NUP160: variants seen among roughly 807,000 people sequenced by gnomAD.
The protein encoded by NUP160 is nuclear pore complex protein Nup160.
In NUP160, 94 loss-of-function variants were observed where a neutral mutation model predicts 196.9. The ratio of observed to expected loss-of-function variants is 0.48; its 90% confidence interval spans 0.40 to 0.57. The LOEUF (loss-of-function observed/expected upper bound fraction) is 0.57, where lower values mean the gene tolerates loss of function less well. NUP160 is among the 20% of genes least tolerant of loss of function. NUP160 has a pLI of 0.00. For synonymous variants in NUP160, 605 were observed against 619.7 expected (o/e 0.98, Z 0.35); for missense variants, 1,638 against 1,748.3 (o/e 0.94, Z 1.13).
exon 33 of NUP160, chr11:47,785,013 T>C: frequency 6.2e-7 from 1 of 1,602,992 alleles, no homozygotes; most frequent in Non-Finnish European, 8.5e-7. Flanking sequence ...ATTCTGGACT[T>C]TGTACCTCTC....
At chr11:47,781,770 C>T (rs955400231) in intron 34 of NUP160, among the ~76,000 whole-genome samples, 6 of 152,150 alleles carry the variant, frequency 3.9e-5, no homozygotes, top group African/African-American at 1.4e-4. Context: ...TCCCGGCACA[C>T]ACACAATACC....
At chr11:47,813,736 G>A (rs936141376) in intron 13 of NUP160, among the ~76,000 whole-genome samples, 1 of 151,904 alleles carries the variant, frequency 6.6e-6, no homozygotes, top group Non-Finnish European at 1.5e-5. Context: ...TGGGGTGGGA[G>A]GATCACCTGA....
intron 7 of NUP160, among the ~76,000 whole-genome samples, chr11:47,828,922 T>TA (rs898349483): frequency 2.2e-4 from 34 of 151,452 alleles, no homozygotes; most frequent in East Asian, 1.2e-3. Flanking sequence ...CTCACACTAT[T>TA]AAAAAAAAAC....
intron 22 of NUP160, among the ~76,000 whole-genome samples, chr11:47,803,148 TAA>T (rs1186336165): frequency 1.4e-5 from 2 of 139,200 alleles, no homozygotes; most frequent in Non-Finnish European, 3.1e-5. Flanking sequence ...TACAAAATAA[TAA>T]TAATAATAAT....
At chr11:47,797,607 G>T (rs1168381985) in intron 27 of NUP160, among the ~76,000 whole-genome samples, 172 bp downstream of exon 27, 2 of 152,080 alleles carry the variant, frequency 1.3e-5, no homozygotes, top group Admixed American at 6.6e-5. Context: ...CCTTGAGAAA[G>T]TTCTAGAATG....
chr11:47,804,349 T>A, intron 21 of NUP160, 200 bp downstream of exon 21: 1 of 505,672 alleles, frequency 2.0e-6, no homozygotes, highest in Non-Finnish European at 3.5e-6. Context: ...CAACCCTATT[T>A]AGCTTCGTAG....
chr11:47,840,239 G>T (rs114164215), intron 3 of NUP160, 139 bp downstream of exon 3: 25 of 851,928 alleles, frequency 2.9e-5, no homozygotes, highest in Non-Finnish European at 4.7e-5. Context: ...CATTTTAAGC[G>T]GTAGCTATCA....
In NUP160 at chr11:47,837,635, T is replaced by C. The variant is rs758822221; in HGVS notation, c.749-12A>G. 1.2e-6 allele frequency: 2 copies of C among 1,609,392 alleles called. No homozygotes were observed. Among genetic ancestry groups the C allele is most frequent in the South Asian group, 2.2e-5 (2 of 90,974 alleles). On this transcript the variant is annotated splice_polypyrimidine_tract_variant and intron_variant, in intron 4 of 35. Transcript: ENST00000378460. Reference sequence around the variant, plus strand: ...GACTGACACCATACCTGCAATGATATCCAAGGCACCTCTTGAACACACTTA... The same window carrying C: ...GACTGACACCATACCTGCAATGATACCCAAGGCACCTCTTGAACACACTTA...
chr11:47,807,225 CAATTT>C (rs1272134802), intron 18 of NUP160, 85 bp from the exon 19 acceptor site: 1 of 793,618 alleles, frequency 1.3e-6, no homozygotes, highest in East Asian at 2.6e-5. Context: ...AGAACACTGT[CAATTT>C]AATTAATAAA....
At chr11:47,845,628 A>T (rs1852387174) in intron 2 of NUP160, among the ~76,000 whole-genome samples, 1 of 151,952 alleles carries the variant, frequency 6.6e-6, no homozygotes, top group Non-Finnish European at 1.5e-5. Context: ...AAGAGTAGGG[A>T]CTTTGTTTTG....
intron 7 of NUP160, among the ~76,000 whole-genome samples, chr11:47,824,612 A>AAAAT (rs1599336524): frequency 6.6e-6 from 1 of 152,060 alleles, no homozygotes; most frequent in East Asian, 1.9e-4. Context: ...TATCTCAAAA[A>AAAAT]AAAATAAAAT....
intron 2 of NUP160, among the ~76,000 whole-genome samples, chr11:47,842,299 G>A (rs141559941): frequency 0.014 from 2,166 of 152,244 alleles, 24 homozygotes; most frequent in Non-Finnish European, 0.023. Context: ...TCCCAAGGAT[G>A]TAAGTACCTT....
At chr11:47,799,063 C>T (rs1001969725) in intron 23 of NUP160, among the ~76,000 whole-genome samples, 4 of 151,534 alleles carry the variant, frequency 2.6e-5, no homozygotes, top group African/African-American at 9.7e-5. Context: ...TATAAAAACC[C>T]TAAAGATAAT....
chr11:47,781,217 C>T (rs934099333), intron 34 of NUP160, among the ~76,000 whole-genome samples: 6 of 151,472 alleles, frequency 4.0e-5, no homozygotes, highest in Non-Finnish European at 5.9e-5. Flanking sequence ...AGCGAGACTC[C>T]GTCTTGGAAA....
At chr11:47,796,479 G>T (rs553928873) in intron 27 of NUP160, 1 of 280,016 alleles carries the variant, frequency 3.6e-6, no homozygotes, top group Non-Finnish European at 6.7e-6. Flanking sequence ...AAACAAACAA[G>T]TAAGTAAATA....
intron 34 of NUP160, among the ~76,000 whole-genome samples, chr11:47,780,755 T>A (rs2097660267): frequency 6.6e-6 from 1 of 151,816 alleles, no homozygotes; most frequent in Non-Finnish European, 1.5e-5. Flanking sequence ...TTGGACAGGC[T>A]GGTCTCAAAC....
At chr11:47,796,257 G>C (rs563419912) in intron 27 of NUP160, 62 of 673,962 alleles carry the variant, frequency 9.2e-5, no homozygotes, top group South Asian at 5.8e-4. Context: ...GAGCACAGTA[G>C]GATCAATCAG....
intron 5 of NUP160, among the ~76,000 whole-genome samples, chr11:47,837,215 G>A (rs546095529): frequency 6.6e-6 from 1 of 152,266 alleles, no homozygotes; most frequent in East Asian, 1.9e-4. Context: ...ATGGAAGACT[G>A]TTTCCTTTTA....
chr11:47,838,134 A>G (rs1348895852), intron 4 of NUP160, among the ~76,000 whole-genome samples: 1 of 152,196 alleles, frequency 6.6e-6, no homozygotes, highest in Non-Finnish European at 1.5e-5. Context: ...GGGGCACTGC[A>G]ATTTTGAAAA....
Sources: gnomAD v4.1 joint callset for allele counts (sites outside exome capture counted in the v4.1 genomes callset) on GRCh38, gnomAD v4.1.1 for gene constraint, MANE v1.5 for transcripts, NCBI Gene and HGNC (gene_info 2026-07-23, HGNC 2026-07-21) for gene names.